The following RANBP2 variants were observed in gnomAD, a reference collection of about 807,000 sequenced individuals.
RANBP2 encodes E3 SUMO-protein ligase RanBP2.
In RANBP2, 57 loss-of-function variants were observed where a neutral mutation model predicts 303.6. That is an observed-to-expected ratio of 0.19 (90% CI 0.15 to 0.23). The LOEUF (loss-of-function observed/expected upper bound fraction) is 0.23. RANBP2 is among the 10% of genes least tolerant of loss of function. The pLI, the probability that RANBP2 is intolerant of heterozygous loss-of-function variation, is 1.00. For missense variants in RANBP2, 3,138 were observed against 3,780.8 expected (o/e 0.83, Z 4.46); for synonymous variants, 1,167 against 1,301.5 (o/e 0.90, Z 2.23).
chr2:108,811,146 T>A, the RANBP2 span, among the ~76,000 whole-genome samples: 1 of 150,324 alleles, frequency 6.7e-6, no homozygotes. Flanking sequence ...TTCCCCTCCC[T>A]CTGCCTTCCC....
At chr2:109,235,309 C>G in the RANBP2 span, among the ~76,000 whole-genome samples, 1 of 152,174 alleles carries the variant, frequency 6.6e-6, no homozygotes, top group Non-Finnish European at 1.5e-5. Flanking sequence ...CTCCCCTCCC[C>G]CTTCCTACCT....
chr2:109,199,642 T>TC, the RANBP2 span, among the ~76,000 whole-genome samples: 2 of 24 alleles, frequency 0.083, 1 homozygote, highest in Non-Finnish European at 0.25. Flanking sequence ...TGGAATGGAA[T>TC]GGAATGGAAT....
chr2:108,853,942 A>T, the RANBP2 span, among the ~76,000 whole-genome samples: 4 of 123,396 alleles, frequency 3.2e-5, no homozygotes, highest in African/African-American at 1.3e-4. Context: ...ATTTATATAT[A>T]ATATACAATA....
At chr2:109,279,895 C>T in the RANBP2 span, among the ~76,000 whole-genome samples, 1 of 151,116 alleles carries the variant, frequency 6.6e-6, no homozygotes, top group Non-Finnish European at 1.5e-5. Context: ...TGAGAGAGGA[C>T]AAGGGATGAG....
intron 4 of RANBP2, 159 bp downstream of exon 4, chr2:108,731,633 A>G: frequency 4.4e-6 from 6 of 1,376,912 alleles, no homozygotes; most frequent in Non-Finnish European, 5.9e-6. Context: ...CTGAGCATCT[A>G]CTGTCTTATT....
the RANBP2 span, among the ~76,000 whole-genome samples, chr2:109,609,358 C>T: frequency 2.1e-4 from 32 of 152,216 alleles, no homozygotes; most frequent in South Asian, 6.4e-3. Flanking sequence ...GGTTGCTCTT[C>T]CAGAAAACAG....
chr2:109,452,781 G>A, the RANBP2 span, among the ~76,000 whole-genome samples: 1 of 151,664 alleles, frequency 6.6e-6, no homozygotes, highest in African/African-American at 2.4e-5. Context: ...GTCCCAGGAG[G>A]CTGGTCCCTG....
At chr2:109,744,391 A>G in the RANBP2 span, among the ~76,000 whole-genome samples, 2 of 94,574 alleles carry the variant, frequency 2.1e-5, 1 homozygote, top group Admixed American at 2.1e-4. Context: ...ATCTTTTCAT[A>G]TATTTCTTAG....
chr2:109,016,560 G>A, the RANBP2 span, among the ~76,000 whole-genome samples: 5 of 152,300 alleles, frequency 3.3e-5, no homozygotes, highest in East Asian at 9.7e-4. Flanking sequence ...GATCCTAGGC[G>A]TCCCGAGGTT....
chr2:109,210,182 A>G, the RANBP2 span, among the ~76,000 whole-genome samples: 27 of 152,184 alleles, frequency 1.8e-4, no homozygotes, highest in Non-Finnish European at 3.4e-4. Flanking sequence ...TGGCTAGACC[A>G]CATTTTGTGT....
chr2:108,805,789 T>C, the RANBP2 span, among the ~76,000 whole-genome samples: 3 of 152,140 alleles, frequency 2.0e-5, no homozygotes, highest in Non-Finnish European at 4.4e-5. Flanking sequence ...TAAATAGTTT[T>C]GTGAGTTATG....
the RANBP2 span, among the ~76,000 whole-genome samples, chr2:109,140,270 C>T: frequency 1.3e-5 from 2 of 152,232 alleles, no homozygotes; most frequent in Non-Finnish European, 2.9e-5. Context: ...AGATCAGCTG[C>T]ATCCAGCCAT....
chr2:109,026,942 AAAGAACCTCTG>A, the RANBP2 span, among the ~76,000 whole-genome samples: 1 of 152,050 alleles, frequency 6.6e-6, no homozygotes, highest in Non-Finnish European at 1.5e-5. Flanking sequence ...AAAAAATAAA[AAAGAACCTCTG>A]AAGACATTGG....
the RANBP2 span, among the ~76,000 whole-genome samples, chr2:109,345,113 G>T: frequency 2.0e-5 from 3 of 152,022 alleles, no homozygotes; most frequent in Non-Finnish European, 1.5e-5. Context: ...TCTCTGTCCT[G>T]GGTGGTGGCC....
the RANBP2 span, among the ~76,000 whole-genome samples, chr2:109,302,468 G>T: frequency 6.6e-6 from 1 of 152,242 alleles, no homozygotes; most frequent in Non-Finnish European, 1.5e-5. Context: ...CACAACATGT[G>T]CCTCCTCTTA....
At chr2:109,080,241 G>A in the RANBP2 span, among the ~76,000 whole-genome samples, 2 of 152,116 alleles carry the variant, frequency 1.3e-5, no homozygotes, top group Non-Finnish European at 2.9e-5. Context: ...TGGTTTCCAG[G>A]GCGTGTTATA....
chr2:109,059,308 G>A, the RANBP2 span, among the ~76,000 whole-genome samples: 1 of 152,162 alleles, frequency 6.6e-6, no homozygotes, highest in Non-Finnish European at 1.5e-5. Flanking sequence ...GGGCAAGGTG[G>A]CTCACGCCTG....
the RANBP2 span, among the ~76,000 whole-genome samples, chr2:108,953,520 A>G: frequency 6.6e-6 from 1 of 152,022 alleles, no homozygotes; most frequent in African/African-American, 2.4e-5. Flanking sequence ...ACTTTTCTTA[A>G]GGCTCACGGT....
At chr2:108,837,105 G>A in the RANBP2 span, among the ~76,000 whole-genome samples, 2 of 152,114 alleles carry the variant, frequency 1.3e-5, no homozygotes, top group Non-Finnish European at 2.9e-5. Context: ...GTGAGGGTGT[G>A]CTTGTCTTGT....
Sources: gnomAD v4.1 joint callset for allele counts (sites outside exome capture counted in the v4.1 genomes callset) on GRCh38, gnomAD v4.1.1 for gene constraint, MANE v1.5 for transcripts, NCBI Gene and HGNC (gene_info 2026-07-23, HGNC 2026-07-21) for gene names.